The following CERKL variants were observed in gnomAD, a reference collection of about 807,000 sequenced individuals.
CERKL encodes ceramide kinase-like protein.
In CERKL, 61 loss-of-function variants were observed where a neutral mutation model predicts 63.4. The observed-to-expected ratio is 0.96, with a 90% CI of 0.78 to 1.19. The LOEUF (loss-of-function observed/expected upper bound fraction) is 1.19. Among genes scored for constraint, CERKL ranks in the 50% most tolerant of loss-of-function variants. The pLI is 0.00. For synonymous variants in CERKL, 250 were observed against 230.5 expected (o/e 1.08, Z -0.77); for missense variants, 675 against 655.5 (o/e 1.03, Z -0.33).
rs116794007 is a variant in CERKL, at chr2:181,635,535, A to T, written c.238+21234T>A. The stretch of plus-strand genomic sequence containing the variant: ...ATCTGTATGATGAAAACCACAACAA[A>T]ACATACTGTCATCCCTTTACACCTT... On this transcript the variant is annotated intron_variant, in intron 1 of 12. Transcript: ENST00000410087. Among the ~76,000 whole-genome samples, 468 of 152,262 alleles carry T rather than the reference A, an allele frequency of 3.1e-3. 4 individuals are homozygous for T. The highest frequency in any genetic ancestry group is 0.011 in the African/African-American group (445 of 41,574).
intron 12 of CERKL, 141 bp from the exon 13 acceptor site, chr2:181,538,385 GAGA>G (rs772743514): frequency 9.6e-5 from 59 of 613,948 alleles, no homozygotes; most frequent in Non-Finnish European, 1.3e-4. Flanking sequence ...CTAGAAAACT[GAGA>G]AGGTCTGATT....
intron 1 of CERKL, among the ~76,000 whole-genome samples, chr2:181,640,689 T>G (rs1420767615): frequency 6.6e-6 from 1 of 152,200 alleles, no homozygotes; most frequent in Non-Finnish European, 1.5e-5. Flanking sequence ...GCATACCCAA[T>G]TGCTCTGTTC....
intron 1 of CERKL, among the ~76,000 whole-genome samples, chr2:181,643,298 T>C (rs1459732677): frequency 1.3e-5 from 2 of 152,200 alleles, no homozygotes; most frequent in Non-Finnish European, 2.9e-5. Flanking sequence ...AACTCAGACA[T>C]GTTAAACAAC....
intron 3 of CERKL, among the ~76,000 whole-genome samples, chr2:181,567,959 C>CTCT (rs1420201031): frequency 2.6e-5 from 4 of 152,094 alleles, no homozygotes; most frequent in African/African-American, 9.7e-5. Context: ...GTAACCCAGC[C>CTCT]TCTTCTTTCA....
chr2:181,573,754 T>G lies in CERKL; in HGVS notation c.612A>C (p.Thr204=). Residue 204 remains threonine, a splice_region_variant and synonymous_variant, in exon 3 of 13, where the codon ACA becomes ACC. Coordinates refer to ENST00000410087, the MANE Select transcript of CERKL (RefSeq NM_201548.5). The stretch of plus-strand genomic sequence containing the variant: ...AATTATATTCTGAAAATTACTTACT[T>G]GTTACATCAGTTTTTATTCCTGCAA... ...LKLAGIKTDV[T]IMEYEGHALS... 1 of 1,611,716 alleles carries G rather than the reference T, an allele frequency of 6.2e-7. No homozygotes were observed. Among genetic ancestry groups the G allele is most frequent in the Non-Finnish European group, 8.5e-7 (1 of 1,178,382 alleles).
intron 4 of CERKL, among the ~76,000 whole-genome samples, chr2:181,561,479 A>G (rs1293309274): frequency 2.6e-5 from 4 of 152,018 alleles, no homozygotes; most frequent in African/African-American, 9.6e-5. Context: ...CCCAACTCCA[A>G]CCTGACTCTG....
chr2:181,593,099 G>T (rs1384988886), intron 2 of CERKL, among the ~76,000 whole-genome samples: 2 of 152,058 alleles, frequency 1.3e-5, no homozygotes, highest in African/African-American at 4.8e-5. Context: ...CAGTAACCTA[G>T]CTAGATTGGC....
intron 2 of CERKL, among the ~76,000 whole-genome samples, chr2:181,580,760 A>G (rs1181362630): frequency 6.6e-6 from 1 of 152,142 alleles, no homozygotes; most frequent in East Asian, 1.9e-4. Flanking sequence ...ATTTCATGCA[A>G]GTTCTATAAA....
chr2:181,616,927 A>G (rs1686221632), intron 1 of CERKL, among the ~76,000 whole-genome samples: 1 of 152,204 alleles, frequency 6.6e-6, no homozygotes, highest in African/African-American at 2.4e-5. Flanking sequence ...GCAATTCTCA[A>G]TGTGTAGTCT....
At chr2:181,570,346 T>C (rs1437891319) in intron 3 of CERKL, among the ~76,000 whole-genome samples, 1 of 152,228 alleles carries the variant, frequency 6.6e-6, no homozygotes, top group Non-Finnish European at 1.5e-5. Context: ...GTCTGATTTC[T>C]CTGCTGCCTT....
intron 2 of CERKL, among the ~76,000 whole-genome samples, chr2:181,598,925 G>A (rs1232488622): frequency 6.7e-6 from 1 of 149,342 alleles, no homozygotes; most frequent in Non-Finnish European, 1.5e-5. Flanking sequence ...TCAAAAATAA[G>A]AATCAACAGC....
chr2:181,616,414 G>A (rs1686199315), intron 1 of CERKL, among the ~76,000 whole-genome samples: 1 of 151,788 alleles, frequency 6.6e-6, no homozygotes, highest in Non-Finnish European at 1.5e-5. Flanking sequence ...GTGTTTCACT[G>A]TGTTAGCCAG....
intron 1 of CERKL, among the ~76,000 whole-genome samples, chr2:181,634,572 A>T (rs1687096366): frequency 6.6e-6 from 1 of 152,100 alleles, no homozygotes; most frequent in South Asian, 2.1e-4. Context: ...CAGAGTTTAA[A>T]TTTACCTGAT....
intron 1 of CERKL, among the ~76,000 whole-genome samples, chr2:181,629,136 C>A (rs1686840090): frequency 6.6e-6 from 1 of 152,002 alleles, no homozygotes; most frequent in Non-Finnish European, 1.5e-5. Flanking sequence ...TTCAATAATC[C>A]TGAAAATTAT....
intron 1 of CERKL, among the ~76,000 whole-genome samples, chr2:181,605,394 G>T (rs1008236827): frequency 1.3e-5 from 2 of 152,206 alleles, no homozygotes; most frequent in African/African-American, 2.4e-5. Context: ...GATGTACAAA[G>T]CCAGATAAGA....
At chr2:181,553,432 T>G (rs1309129032) in intron 5 of CERKL, among the ~76,000 whole-genome samples, 1 of 152,180 alleles carries the variant, frequency 6.6e-6, no homozygotes, top group Non-Finnish European at 1.5e-5. Context: ...CCATGGTTAA[T>G]TATGAGTAGA....
intron 1 of CERKL, among the ~76,000 whole-genome samples, chr2:181,621,317 AAC>A: frequency 6.6e-6 from 1 of 152,234 alleles, no homozygotes; most frequent in East Asian, 1.9e-4. Context: ...AATTTTAATA[AAC>A]ACACATATAA....
chr2:181,551,210 C>T (rs1305654741), intron 5 of CERKL, among the ~76,000 whole-genome samples: 3 of 152,108 alleles, frequency 2.0e-5, no homozygotes, highest in East Asian at 3.8e-4. Context: ...ACCCTAAAGG[C>T]TCCATGAATG....
intron 3 of CERKL, among the ~76,000 whole-genome samples, chr2:181,571,531 G>A (rs1688902384): frequency 6.6e-6 from 1 of 151,794 alleles, no homozygotes; most frequent in Non-Finnish European, 1.5e-5. Context: ...TTTTAATTCT[G>A]CTGGTGGAGT....
Sources: allele counts gnomAD v4.1 joint callset (sites outside exome capture counted in the v4.1 genomes callset), GRCh38; gene constraint gnomAD v4.1.1; transcripts MANE v1.5; gene names NCBI Gene and HGNC (gene_info 2026-07-23, HGNC 2026-07-21).